The following GRK2 variants were observed in gnomAD, a reference collection of about 807,000 sequenced individuals.
The protein encoded by GRK2 is adrenergic beta receptor kinase 1.
GRK2 carries 23 observed loss-of-function variants against 97.8 expected under a neutral mutation model. The observed-to-expected ratio is 0.24, with a 90% CI of 0.17 to 0.33. The LOEUF (loss-of-function observed/expected upper bound fraction) is 0.33, where lower values mean the gene tolerates loss of function less well. Ranked by LOEUF, GRK2 falls within the 10% of genes least tolerant of loss-of-function variation. GRK2 has a pLI of 1.00. For missense variants in GRK2, 633 were observed against 956.9 expected (o/e 0.66, Z 4.47); for synonymous variants, 425 against 381.7 (o/e 1.11, Z -1.32).
At position 67,285,624 on chromosome 11, in the gene GRK2, C is replaced by T. The variant is rs1860262284; in HGVS notation, c.*174C>T. Reference sequence around the variant, plus strand: ...TGCCTCGGCTCCTGCTGCACCAACCCAGCCGCTGCCCGGCGCCCTCTGTCC... The same window carrying T: ...TGCCTCGGCTCCTGCTGCACCAACCTAGCCGCTGCCCGGCGCCCTCTGTCC... On this transcript the variant is annotated 3_prime_UTR_variant, in exon 21 of 21. Coordinates refer to ENST00000308595, the MANE Select transcript of GRK2 (RefSeq NM_001619.5). 5.1e-6 allele frequency: 4 copies of T among 789,696 alleles called. No individual in the cohort carries two copies. Among genetic ancestry groups the T allele is most frequent in the South Asian group, 2.0e-5 (1 of 49,546 alleles). The allele number at this position is 789,696 out of a possible 1,614,324, so 48.9% of individuals were successfully genotyped here.
chr11:67,283,453 A>AGAT (rs1860198462), intron 15 of GRK2: 4 of 611,570 alleles, frequency 6.5e-6, no homozygotes, highest in Non-Finnish European at 1.2e-5. Flanking sequence ...CCCTTGTCAC[A>AGAT]GATGATGATG....
At position 67,277,307 on chromosome 11, in the gene GRK2, G is replaced by T. The variant is rs768707526; in HGVS notation, c.149G>T (p.Arg50Leu). 2 of 1,613,756 alleles carry T rather than the reference G, an allele frequency of 1.2e-6. No homozygotes were observed. The highest frequency in any genetic ancestry group is 3.3e-4 in the Middle Eastern group (2 of 6,062). Reference sequence around the variant, plus strand: ...GTCATGCAGAAGTACCTGGAGGACCGGGGCGAGGTGACCTTTGAGAAGATC... The same window carrying T: ...GTCATGCAGAAGTACCTGGAGGACCTGGGCGAGGTGACCTTTGAGAAGATC... The part of the protein sequence containing the change: ...RSVMQKYLED[R>L]GEVTFEKIFS... Residue 50 changes from arginine to leucine, a missense_variant, in exon 2 of 21, where the codon CGG becomes CTG. By Grantham distance (102) the Arg-to-Leu change is moderately radical. This residue lies in a region of GRK2 where 193 missense variants were observed against 212.2 expected (regional missense o/e 0.91). Coordinates refer to ENST00000308595, the MANE Select transcript of GRK2 (RefSeq NM_001619.5).
At chr11:67,279,576 G>A in intron 4 of GRK2, 50 bp from the exon 5 acceptor site, 1 of 1,612,424 alleles carries the variant, frequency 6.2e-7, no homozygotes, top group Non-Finnish European at 8.5e-7. Context: ...AGATTGGGAG[G>A]GGAAGAGAGG....
rs1208435182 is a variant in GRK2 at position 67,283,738 on chromosome 11, C to T, written c.1360C>T (p.Arg454Cys). 7 of 1,613,556 alleles carry T rather than the reference C, an allele frequency of 4.3e-6. No homozygotes were observed. The highest frequency in any genetic ancestry group is 3.3e-5 in the South Asian group (3 of 91,092). The change falls in exon 16 of 21, where the codon CGC becomes TGC. Residue 454 changes from arginine to cysteine, a missense_variant. This residue lies in a region of GRK2 where 68 missense variants were observed against 71.0 expected (regional missense o/e 0.96). Transcript: ENST00000308595. Reference sequence around the variant, plus strand: ...GGAGGTGAAAGAGAGCCCCTTTTTCCGCTCCCTGGACTGGCAGATGGTCTT... The same window carrying T: ...GGAGGTGAAAGAGAGCCCCTTTTTCTGCTCCCTGGACTGGCAGATGGTCTT... The part of the protein sequence containing the change: ...AQEVKESPFF[R>C]SLDWQMVFLQ...
chr11:67,281,096 A>T lies in GRK2; in HGVS notation c.559A>T (p.Thr187Ser). ...WKNVELNIHL[T>S]MNDFSVHRII... Reference sequence around the variant, plus strand: ...CGCAGCTGTCGCTGCCCCTCAGCTGACCATGAATGACTTCAGCGTGCATCG... The same window carrying T: ...CGCAGCTGTCGCTGCCCCTCAGCTGTCCATGAATGACTTCAGCGTGCATCG... The change falls in exon 8 of 21, where the codon ACC becomes TCC. Residue 187 changes from threonine to serine, a missense_variant. By Grantham distance (58) the Thr-to-Ser change is moderately conservative. Coordinates refer to ENST00000308595, the MANE Select transcript of GRK2 (RefSeq NM_001619.5). This position sits in a 1 kb window ranked among gnomAD's most constrained non-coding sequence, Gnocchi z 5.7. 1 of 1,612,264 alleles carries T rather than the reference A, an allele frequency of 6.2e-7. No individual in the cohort carries two copies. Among genetic ancestry groups the T allele is most frequent in the Middle Eastern group, 1.7e-4 (1 of 6,056 alleles).
intron 1 of GRK2, among the ~76,000 whole-genome samples, 174 bp downstream of exon 1, chr11:67,266,986 C>T (rs12805999): frequency 2.0e-5 from 3 of 151,944 alleles, no homozygotes; most frequent in Non-Finnish European, 4.4e-5. Context: ...CGGGTCCAGA[C>T]CCTAAGCCCC....
chr11:67,275,734 A>G (rs953375474), intron 1 of GRK2, among the ~76,000 whole-genome samples: 1 of 152,070 alleles, frequency 6.6e-6, no homozygotes, highest in African/African-American at 2.4e-5. Context: ...TCCCACGTCT[A>G]CCGACCCCCC....
chr11:67,280,919 G>T, intron 7 of GRK2, 136 bp downstream of exon 7: 1 of 1,197,226 alleles, frequency 8.4e-7, no homozygotes, highest in Non-Finnish European at 1.2e-6. Context: ...GGCTATGGGG[G>T]TCAGGGCCGG....
In GRK2 at chr11:67,281,728, G is replaced by T; in HGVS notation, c.826G>T (p.Gly276Cys). The T allele has an allele frequency of 6.2e-7, 1 of 1,611,524 alleles. No individual in the cohort carries two copies. Among genetic ancestry groups the T allele is most frequent in the Non-Finnish European group, 8.5e-7 (1 of 1,178,902 alleles). Reference protein sequence around the residue: ...KLSFILDLMNGGDLHYHLSQH... With the variant: ...KLSFILDLMNCGDLHYHLSQH... ...CAGCTTCATCCTGGACCTCATGAAC[G>T]GTGAGTGCTGGCCGGGCCCTAGGGT... is the stretch of plus-strand genomic sequence containing the variant. The change falls in exon 10 of 21, where the codon GGT (glycine) becomes TGT (cysteine). Residue 276 changes from glycine to cysteine, a missense_variant and splice_region_variant. Physicochemically the swap from Gly to Cys is radical, Grantham distance 159. Around this residue, in one of 4 missense-constraint regions of GRK2, gnomAD observed 192 missense variants for 362.3 expected, o/e 0.53. Transcript: ENST00000308595. The surrounding 1 kb of genome is among the most constrained non-coding windows in gnomAD (Gnocchi z 5.7).
chr11:67,274,451 T>G (rs1452845131), intron 1 of GRK2, among the ~76,000 whole-genome samples: 1 of 146,516 alleles, frequency 6.8e-6, no homozygotes, highest in Admixed American at 6.9e-5. Flanking sequence ...TTGCTTTGCC[T>G]GTCATCTGCA....
intron 7 of GRK2, 59 bp downstream of exon 7, chr11:67,280,842 G>A (rs1437493696): frequency 2.5e-6 from 4 of 1,595,948 alleles, no homozygotes; most frequent in Non-Finnish European, 3.4e-6. Flanking sequence ...TCTCCCGGGA[G>A]CTGGGCCTGT....
At chr11:67,275,729 C>T (rs929939703) in intron 1 of GRK2, among the ~76,000 whole-genome samples, 2 of 152,248 alleles carry the variant, frequency 1.3e-5, no homozygotes, top group African/African-American at 2.4e-5. Flanking sequence ...CCTGTTCCCA[C>T]GTCTACCGAC....
rs760663193 is a variant in GRK2 at position 67,284,954 on chromosome 11, C to T, written c.1762C>T (p.Leu588Phe). The change falls in exon 19 of 21, where the codon CTC becomes TTC. Residue 588 changes from leucine to phenylalanine, a missense_variant. By Grantham distance (22) the Leu-to-Phe change is conservative. Around this residue, in one of 4 missense-constraint regions of GRK2, gnomAD observed 180 missense variants for 311.3 expected, o/e 0.58. Transcript: ENST00000308595. The part of the protein sequence containing the change: ...RRYFYLFPNR[L>F]EWRGEGEAPQ... Reference sequence around the variant, plus strand: ...GTACTTCTACCTGTTCCCCAACCGCCTCGAGTGGCGGGGCGAGGGCGAGGC... The same window carrying T: ...GTACTTCTACCTGTTCCCCAACCGCTTCGAGTGGCGGGGCGAGGGCGAGGC... 1 of 1,613,038 alleles carries T rather than the reference C, an allele frequency of 6.2e-7. No homozygotes were observed. Among genetic ancestry groups the T allele is most frequent in the Non-Finnish European group, 8.5e-7 (1 of 1,179,968 alleles).
chr11:67,272,835 C>T (rs1342277117), intron 1 of GRK2, among the ~76,000 whole-genome samples: 2 of 152,266 alleles, frequency 1.3e-5, no homozygotes, highest in African/African-American at 4.8e-5. Context: ...AGGAGTCCCA[C>T]CCTGCTCGGC....
At chr11:67,277,189 C>T (rs1860049162) in intron 1 of GRK2, 83 bp from the exon 2 acceptor site, 2 of 1,358,996 alleles carry the variant, frequency 1.5e-6, no homozygotes, top group Non-Finnish European at 2.1e-6. Context: ...GACACCACCA[C>T]AGTGCCCTCA....
At chr11:67,270,025 C>T (rs1001339275) in intron 1 of GRK2, among the ~76,000 whole-genome samples, 1 of 152,176 alleles carries the variant, frequency 6.6e-6, no homozygotes, top group Admixed American at 6.5e-5. Flanking sequence ...TGGCTTCTCC[C>T]TCTACCACCA....
At position 67,285,151 on chromosome 11, in the gene GRK2, A is replaced by G; in HGVS notation, c.1868A>G (p.Lys623Arg). ...AAGGAGCGCAAGTGCCTGCTCCTCA[A>G]GATCCGCGGTGGGAAACAGTTCATT... ...QIKERKCLLL[K>R]IRGGKQFILQ... Residue 623 changes from lysine to arginine, a missense_variant, in exon 20 of 21, where the codon AAG becomes AGG. Transcript: ENST00000308595. 1 of 1,613,632 alleles carries G rather than the reference A, an allele frequency of 6.2e-7. No homozygotes were observed. Among genetic ancestry groups the G allele is most frequent in the Non-Finnish European group, 8.5e-7 (1 of 1,179,952 alleles).
Position 67,282,778 on chromosome 11 carries a change from C to A in GRK2, c.1187C>A (p.Thr396Asn). ...RGHSPFRQHK[T>N]KDKHEIDRMT... ...CACAGCCCCTTCCGGCAGCACAAGA[C>A]CAAAGACAAGCATGAGATCGACCGC... is the stretch of plus-strand genomic sequence containing the variant. Residue 396 changes from threonine (T) to asparagine (N), a missense_variant, in exon 14 of 21, where the codon ACC becomes AAC. Physicochemically the swap from Thr to Asn is moderately conservative, Grantham distance 65 (BLOSUM62 0). This residue lies in a region of GRK2 where 192 missense variants were observed against 362.3 expected (regional missense o/e 0.53). Transcript: ENST00000308595. This position sits in a 1 kb window ranked among gnomAD's most constrained non-coding sequence, Gnocchi z 6.9. 6.2e-7 allele frequency: 1 copy of A among 1,611,374 alleles called. No homozygotes were observed. The highest frequency in any genetic ancestry group is 8.5e-7 in the Non-Finnish European group (1 of 1,179,884).
chr11:67,285,873 C>G lies in GRK2; in HGVS notation c.*423C>G, dbSNP rs1396733981. ...TTTCCCACTGCACCCCCTCCTGCTG[C>G]AGAGGGGCAGGCCCTGCACTGTCCT... is the stretch of plus-strand genomic sequence containing the variant. On this transcript the variant is annotated 3_prime_UTR_variant, in exon 21 of 21. Transcript: ENST00000308595. The G allele has an allele frequency of 4.5e-6, 1 of 223,328 alleles. No homozygotes were observed. The highest frequency in any genetic ancestry group is 2.3e-5 in the African/African-American group (1 of 42,990). 13.8% of individuals were successfully genotyped at this position (223,328 alleles called of 1,614,324 possible). A position where few individuals can be genotyped will look rare whatever the true frequency, so the allele number is the denominator to read the frequency against.
Sources: allele counts gnomAD v4.1 joint callset (sites outside exome capture counted in the v4.1 genomes callset), GRCh38; gene constraint gnomAD v4.1.1; regional missense constraint gnomAD v4.1.1; non-coding constraint Gnocchi (gnomAD v3.1); transcripts MANE v1.5; gene names NCBI Gene and HGNC (gene_info 2026-07-23, HGNC 2026-07-21).